MED12L: variants seen among roughly 807,000 people sequenced by gnomAD.
MED12L encodes mediator of RNA polymerase II transcription subunit 12-like protein.
Under a neutral mutation model 281.3 loss-of-function variants are expected in MED12L, and 60 were observed. The ratio of observed to expected loss-of-function variants is 0.21; its 90% CI spans 0.17 to 0.26. The LOEUF is 0.26. Ranked by LOEUF, MED12L falls within the 10% of genes least tolerant of loss-of-function variation. MED12L has a pLI of 1.00. For synonymous variants in MED12L, 974 were observed against 987.2 expected (o/e 0.99, Z 0.25); for missense variants, 2,146 against 2,680.9 (o/e 0.80, Z 4.41).
chr3:151,239,745 A>G (rs1231614714), intron 16 of MED12L, among the ~76,000 whole-genome samples: 1 of 152,048 alleles, frequency 6.6e-6, no homozygotes, highest in Non-Finnish European at 1.5e-5. Context: ...ATTTATCTAT[A>G]TTTTCTGATA....
chr3:151,360,620 C>T lies in MED12L; in HGVS notation c.2957+15C>T. 1 of 1,603,070 alleles carries T rather than the reference C, an allele frequency of 6.2e-7. No homozygotes were observed. The highest frequency in any genetic ancestry group is 8.5e-7 in the Non-Finnish European group (1 of 1,175,136). The stretch of plus-strand genomic sequence containing the variant: ...GACCTCTTCAGGTGAGTAGAAGAGA[C>T]TCAAAAGGACAGAAATAGGATCATG... On this transcript the variant is annotated intron_variant, in intron 21 of 44. Coordinates refer to ENST00000687756, the MANE Select transcript of MED12L (RefSeq NM_001393769.1).
At chr3:151,308,039 G>A (rs944629353) in intron 16 of MED12L, among the ~76,000 whole-genome samples, 2 of 151,986 alleles carry the variant, frequency 1.3e-5, no homozygotes, top group Non-Finnish European at 2.9e-5. Context: ...ACTTCCCAAG[G>A]GTGCTGTGTG....
Position 151,385,011 on chromosome 3 carries a change from CT to C in MED12L, c.4927-18del. ...TTCTGTCCCACTTCTCACTCTCTCTCTCTCTCTTTTTTCTTTAGAAAGAGCT... is the reference window on the plus strand; with the variant it reads ...TTCTGTCCCACTTCTCACTCTCTCTCCTCTCTTTTTTCTTTAGAAAGAGCT... On this transcript the variant is annotated intron_variant, in intron 35 of 44. Coordinates refer to ENST00000687756, the MANE Select transcript of MED12L (RefSeq NM_001393769.1). 7.7e-7 allele frequency: 1 copy of C among 1,301,146 alleles called. No individual in the cohort carries two copies. Among genetic ancestry groups the C allele is most frequent in the Non-Finnish European group, 1.1e-6 (1 of 898,516 alleles). 80.6% of individuals were successfully genotyped at this position (1,301,146 alleles called of 1,614,324 possible). A position where few individuals can be genotyped will look rare whatever the true frequency, so the allele number is the denominator to read the frequency against.
At chr3:151,375,213 G>A (rs1408861295) in intron 27 of MED12L, among the ~76,000 whole-genome samples, 1 of 152,108 alleles carries the variant, frequency 6.6e-6, no homozygotes, top group Non-Finnish European at 1.5e-5. Context: ...GTGGGCCCTG[G>A]GCATGGAATT....
chr3:151,376,245 T>G, intron 28 of MED12L, 31 bp downstream of exon 28: 1 of 1,350,426 alleles, frequency 7.4e-7, no homozygotes, highest in Non-Finnish European at 9.6e-7. Context: ...GTTTCTGTCA[T>G]TTGATAAATT....
chr3:151,409,158 T>C (rs1247742874), intron 39 of MED12L, 85 bp from the exon 40 acceptor site: 3 of 957,402 alleles, frequency 3.1e-6, no homozygotes, highest in Admixed American at 2.4e-5. Flanking sequence ...TGAGATTAGA[T>C]GTGGGTTATT....
intron 16 of MED12L, among the ~76,000 whole-genome samples, chr3:151,307,723 A>G (rs1041445929): frequency 1.3e-5 from 2 of 152,138 alleles, no homozygotes; most frequent in African/African-American, 2.4e-5. Context: ...GCAGGATTCA[A>G]CAACCTGCCC....
chr3:151,355,671 A>G (rs1473558731), intron 18 of MED12L, among the ~76,000 whole-genome samples: 1 of 152,220 alleles, frequency 6.6e-6, no homozygotes, highest in Non-Finnish European at 1.5e-5. Context: ...AGAATACTTA[A>G]GATTTAGGTC....
chr3:151,295,168 C>T, intron 16 of MED12L: 1 of 1,612,210 alleles, frequency 6.2e-7, no homozygotes. Context: ...GCCCGTCGCT[C>T]CTGTTGCCTG....
At chr3:151,350,709 G>T (rs891746784) in intron 17 of MED12L, among the ~76,000 whole-genome samples, 3 of 152,064 alleles carry the variant, frequency 2.0e-5, no homozygotes, top group African/African-American at 7.2e-5. Flanking sequence ...GATTGCAGTA[G>T]GTAGTGATGG....
At chr3:151,180,931 C>T (rs182301663) in intron 11 of MED12L, among the ~76,000 whole-genome samples, 7 of 152,214 alleles carry the variant, frequency 4.6e-5, no homozygotes, top group Admixed American at 2.6e-4. Context: ...TCCAAAGAAT[C>T]GACCAGTTTC....
At chr3:151,274,996 G>A (rs1350334639) in intron 16 of MED12L, among the ~76,000 whole-genome samples, 1 of 152,160 alleles carries the variant, frequency 6.6e-6, no homozygotes, top group African/African-American at 2.4e-5. Flanking sequence ...CCTTGTGTGA[G>A]CTCTCCTACC....
chr3:151,336,379 G>A, intron 16 of MED12L: 2 of 385,556 alleles, frequency 5.2e-6, no homozygotes, highest in East Asian at 7.2e-5. Context: ...AGTTAAATGA[G>A]TTCAGCTTCG....
At chr3:151,406,296 A>G (rs1188027997) in intron 39 of MED12L, among the ~76,000 whole-genome samples, 2 of 152,250 alleles carry the variant, frequency 1.3e-5, no homozygotes, top group Admixed American at 1.3e-4. Flanking sequence ...TCAAGTTATT[A>G]AAGAACTTAT....
At chr3:151,134,188 GT>G (rs3069372) in intron 5 of MED12L, among the ~76,000 whole-genome samples, 37,438 of 129,102 alleles carry the variant, frequency 0.29, 5,791 homozygotes, top group African/African-American at 0.53. Flanking sequence ...TTGTGGGGTT[GT>G]TTTTTTTTTT....
intron 16 of MED12L, among the ~76,000 whole-genome samples, chr3:151,305,295 G>A (rs1746497309): frequency 6.6e-6 from 1 of 152,240 alleles, no homozygotes; most frequent in Admixed American, 6.5e-5. Flanking sequence ...AGAATGTGAT[G>A]TTTGTGGTAG....
At position 151,436,084 on chromosome 3, in the gene MED12L, T is replaced by C. The variant is rs1391956213; in HGVS notation, c.*3280T>C. On this transcript the variant is annotated 3_prime_UTR_variant, in exon 45 of 45. Transcript: ENST00000687756. The stretch of plus-strand genomic sequence containing the variant: ...TGCAGGTATTACATTGCTTTTTACA[T>C]GTGGAAAAGTGAGCCTGCATTTATT... 3.3e-5 allele frequency: 5 copies of C among 152,306 alleles called. No individual in the cohort carries two copies. Among genetic ancestry groups the C allele is most frequent in the African/African-American group, 9.6e-5 (4 of 41,470 alleles). 9.4% of individuals were successfully genotyped at this position (152,306 alleles called of 1,614,324 possible).
intron 2 of MED12L, among the ~76,000 whole-genome samples, chr3:151,088,936 GAC>G (rs1380934168): frequency 1.3e-5 from 2 of 152,130 alleles, no homozygotes; most frequent in African/African-American, 4.8e-5. Context: ...CTCCCAAGCA[GAC>G]AGAGTTATGT....
At chr3:151,383,579 G>T (rs768109244) in intron 33 of MED12L, among the ~76,000 whole-genome samples, 200 bp from the exon 34 acceptor site, 1 of 152,146 alleles carries the variant, frequency 6.6e-6, no homozygotes, top group African/African-American at 2.4e-5. Flanking sequence ...TTTAGTTAAT[G>T]TTTGAATGAC....
Sources: allele counts gnomAD v4.1 joint callset (sites outside exome capture counted in the v4.1 genomes callset), GRCh38; gene constraint gnomAD v4.1.1; transcripts MANE v1.5; gene names NCBI Gene and HGNC (gene_info 2026-07-23, HGNC 2026-07-21).